Variants in PRR7 observed in about 807,000 individuals in gnomAD.
PRR7 encodes the protein proline-rich protein 7.
A neutral mutation model predicts 18.5 loss-of-function variants in PRR7; 8 were observed. The observed-to-expected ratio is 0.43, with a 90% confidence interval of 0.25 to 0.78. The LOEUF (loss-of-function observed/expected upper bound fraction) is 0.78, where lower values mean the gene tolerates loss of function less well. PRR7 is among the 30% of genes least tolerant of loss of function. The probability of loss-of-function intolerance (pLI) is 0.22; values close to 1 mark genes in which losing one functional copy is unlikely to be tolerated. For missense variants in PRR7, 396 were observed against 403.1 expected (o/e 0.98, Z 0.15); for synonymous variants, 221 against 187.7 (o/e 1.18, Z -1.45).
chr5:177,447,269 C>G (rs1755940537), intron 1 of PRR7, among the ~76,000 whole-genome samples: 1 of 152,126 alleles, frequency 6.6e-6, no homozygotes, highest in Non-Finnish European at 1.5e-5. Flanking sequence ...CTCCCTCCCC[C>G]CTCCCCCGAC....
At chr5:177,452,614 C>T (rs1018127023) in intron 1 of PRR7, among the ~76,000 whole-genome samples, 3 of 152,194 alleles carry the variant, frequency 2.0e-5, no homozygotes, top group African/African-American at 7.2e-5. Flanking sequence ...CCCACTCCAC[C>T]TGGGGGTGGA....
At position 177,455,299 on chromosome 5, in the gene PRR7, C is replaced by G. The variant is rs766314039; in HGVS notation, c.232C>G (p.Pro78Ala). 1.9e-5 allele frequency: 28 copies of G among 1,498,282 alleles called. No individual in the cohort carries two copies. The highest frequency in any genetic ancestry group is 2.5e-5 in the Non-Finnish European group (28 of 1,132,950). The allele number at this position is 1,498,282 out of a possible 1,614,324, so 92.8% of individuals were successfully genotyped here. The change falls in exon 3 of 4, where the codon CCA becomes GCA. Residue 78 changes from proline to alanine, a missense_variant. Transcript: ENST00000323249. This position sits in a 1 kb window ranked among gnomAD's most constrained non-coding sequence, Gnocchi z 6.9. ...CCCGGGCCTGGCGCCGCCGCAGCCACCACCACACCGTAGCCGCCTGGAGGC... is the reference window on the plus strand; with the variant it reads ...CCCGGGCCTGGCGCCGCCGCAGCCAGCACCACACCGTAGCCGCCTGGAGGC... ...SPPGLAPPQP[P>A]PHRSRLEAPA... is the part of the protein sequence containing the mutation.
chr5:177,453,614 T>C (rs975481458), intron 1 of PRR7, among the ~76,000 whole-genome samples: 3 of 152,080 alleles, frequency 2.0e-5, no homozygotes, highest in African/African-American at 7.2e-5. Context: ...CGAAGCAGTG[T>C]GTGTGTGCCT....
chr5:177,448,100 A>T (rs1277274100), intron 1 of PRR7, among the ~76,000 whole-genome samples: 2 of 152,166 alleles, frequency 1.3e-5, no homozygotes, highest in Non-Finnish European at 2.9e-5. Flanking sequence ...CCCAGGCCTG[A>T]CTCAGCAGAT....
intron 1 of PRR7, among the ~76,000 whole-genome samples, 174 bp downstream of exon 1, chr5:177,447,134 G>A (rs1755929713): frequency 6.6e-6 from 1 of 152,056 alleles, no homozygotes; most frequent in Admixed American, 6.5e-5. Flanking sequence ...GGGAGGGAGA[G>A]CGCCAGTGAG....
chr5:177,446,038 G>C (rs992993144), upstream of PRR7: 3 of 134,510 alleles, frequency 2.2e-5, no homozygotes, highest in Admixed American at 2.5e-4. The surrounding 1 kb of genome is among the most constrained non-coding windows in gnomAD (Gnocchi z 5.3). Context: ...TGGGAGTTCT[G>C]TCACTTCAAC....
Position 177,450,734 on chromosome 5 carries a change from C to T in PRR7, c.-324-3222C>T, listed in dbSNP as rs984505504. On this transcript the variant is annotated intron_variant, in intron 1 of 3. Transcript: ENST00000323249. The surrounding 1 kb of genome is among the most constrained non-coding windows in gnomAD (Gnocchi z 6.6). ...AGGAGCTCATTCGGGAGGCCAGCAC[C>T]TAGGTCAGTGGTTCTCAAAGTGTGC... Among the ~76,000 whole-genome samples the T allele has an allele frequency of 6.6e-6, 1 of 152,200 alleles. No individual in the cohort carries two copies. The highest frequency in any genetic ancestry group is 2.1e-4 in the South Asian group (1 of 4,834).
chr5:177,447,119 C>T (rs1755928566), intron 1 of PRR7, among the ~76,000 whole-genome samples, 159 bp downstream of exon 1: 1 of 152,056 alleles, frequency 6.6e-6, no homozygotes, highest in African/African-American at 2.4e-5. Flanking sequence ...CCAGTCCACA[C>T]CGGAGGGAGG....
Position 177,455,654 on chromosome 5 carries a change from CT to C in PRR7, c.428-69del. On this transcript the variant is annotated intron_variant, in intron 3 of 3. Coordinates refer to ENST00000323249, the MANE Select transcript of PRR7 (RefSeq NM_030567.5). The surrounding 1 kb of genome is among the most constrained non-coding windows in gnomAD (Gnocchi z 6.9). The stretch of plus-strand genomic sequence containing the variant: ...GCTAGGGCTGGGGCGCGGGCGGCCC[CT>C]GGCCGGGGCCTCTGCGAGAGGCTGG... 6.9e-7 allele frequency: 1 copy of C among 1,441,804 alleles called. No individual in the cohort carries two copies. Among genetic ancestry groups the C allele is most frequent in the Middle Eastern group, 2.0e-4 (1 of 4,982 alleles). 89.3% of individuals were successfully genotyped at this position (1,441,804 alleles called of 1,614,324 possible).
chr5:177,455,803 G>A lies in PRR7; in HGVS notation c.507G>A (p.Val169=), dbSNP rs1756403504. The change falls in exon 4 of 4, where the codon GTG becomes GTA. Residue 169 remains valine, a synonymous_variant. Coordinates refer to ENST00000323249, the MANE Select transcript of PRR7 (RefSeq NM_030567.5). The surrounding 1 kb of genome is among the most constrained non-coding windows in gnomAD (Gnocchi z 6.9). ...MAEPPPPYSE[V]LTDTRGLYRK... is the part of the protein sequence containing the mutation. ...AGCCGCCGCCGCCCTATAGCGAGGTGCTCACGGACACGCGCGGCCTCTACC... is the reference window on the plus strand; with the variant it reads ...AGCCGCCGCCGCCCTATAGCGAGGTACTCACGGACACGCGCGGCCTCTACC... 2 of 1,611,912 alleles carry A rather than the reference G, an allele frequency of 1.2e-6. No homozygotes were observed. The highest frequency in any genetic ancestry group is 1.7e-6 in the Non-Finnish European group (2 of 1,179,650).
chr5:177,455,906 C>T lies in PRR7; in HGVS notation c.610C>T (p.Leu204Phe). ...QEQPPPSYKP[L>F]FLDRGYTSAL... ...GCAGCCGCCTCCCAGCTACAAGCCG[C>T]TCTTCCTGGACCGGGGCTACACCTC... is the stretch of plus-strand genomic sequence containing the variant. Residue 204 changes from leucine (L) to phenylalanine (F), a missense_variant, in exon 4 of 4, where the codon CTC becomes TTC. Coordinates refer to ENST00000323249, the MANE Select transcript of PRR7 (RefSeq NM_030567.5). The surrounding 1 kb of genome is among the most constrained non-coding windows in gnomAD (Gnocchi z 6.9). 6.2e-7 allele frequency: 1 copy of T among 1,609,730 alleles called. No individual in the cohort carries two copies. Among genetic ancestry groups the T allele is most frequent in the Non-Finnish European group, 8.5e-7 (1 of 1,179,416 alleles).
chr5:177,453,280 C>T (rs1315043022), intron 1 of PRR7, among the ~76,000 whole-genome samples: 1 of 152,204 alleles, frequency 6.6e-6, no homozygotes, highest in Non-Finnish European at 1.5e-5. Flanking sequence ...CTAGTTAGTG[C>T]CAGTTTCCTC....
chr5:177,456,255 A>T lies in PRR7; in HGVS notation c.*134A>T. 8.8e-7 allele frequency: 1 copy of T among 1,131,480 alleles called. No homozygotes were observed. Among genetic ancestry groups the T allele is most frequent in the Non-Finnish European group, 1.2e-6 (1 of 843,754 alleles). The allele number at this position is 1,131,480 out of a possible 1,614,324, so 70.1% of individuals were successfully genotyped here. A position where few individuals can be genotyped will look rare whatever the true frequency, so the allele number is the denominator to read the frequency against. Reference sequence around the variant, plus strand: ...TTATCCCGTTTGTTACATTTTGAGGATAATAAAGGTGTGTGATCTGGTTTG... The same window carrying T: ...TTATCCCGTTTGTTACATTTTGAGGTTAATAAAGGTGTGTGATCTGGTTTG... On this transcript the variant is annotated 3_prime_UTR_variant, in exon 4 of 4. Transcript: ENST00000323249.
chr5:177,450,925 G>A lies in PRR7; in HGVS notation c.-324-3031G>A, dbSNP rs1232015633. 1.3e-5 allele frequency among the ~76,000 whole-genome samples: 2 copies of A among 152,208 alleles called. No individual in the cohort carries two copies. The highest frequency in any genetic ancestry group is 2.9e-5 in the Non-Finnish European group (2 of 68,034). On this transcript the variant is annotated intron_variant, in intron 1 of 3. Coordinates refer to ENST00000323249, the MANE Select transcript of PRR7 (RefSeq NM_030567.5). The surrounding 1 kb of genome is among the most constrained non-coding windows in gnomAD (Gnocchi z 6.6). ...TTAAATTTGAGAGGCCCAGATCTAAGCCATGTTAAATGCTAGATTGGCTCC... is the reference window on the plus strand; with the variant it reads ...TTAAATTTGAGAGGCCCAGATCTAAACCATGTTAAATGCTAGATTGGCTCC...
At chr5:177,451,832 C>T (rs952661306) in intron 1 of PRR7, among the ~76,000 whole-genome samples, 3 of 151,934 alleles carry the variant, frequency 2.0e-5, no homozygotes, top group Non-Finnish European at 4.4e-5. Context: ...GAGTGTGGAG[C>T]CCACCCTCAG....
At position 177,449,728 on chromosome 5, in the gene PRR7, G is replaced by A. The variant is rs986284436; in HGVS notation, c.-325+2768G>A. ...AGGGCTCTCCACCTACAAGCCCACC[G>A]AGGCCTCAGTCTCTGTGGTCTTATT... is the stretch of plus-strand genomic sequence containing the variant. On this transcript the variant is annotated intron_variant, in intron 1 of 3. Transcript: ENST00000323249. The surrounding 1 kb of genome is among the most constrained non-coding windows in gnomAD (Gnocchi z 4.2). Among the ~76,000 whole-genome samples the A allele has an allele frequency of 1.3e-5, 2 of 152,108 alleles. No homozygotes were observed. Among genetic ancestry groups the A allele is most frequent in the African/African-American group, 4.8e-5 (2 of 41,406 alleles).
In PRR7 at chr5:177,455,635, G is replaced by C; in HGVS notation, c.428-89G>C. 7.0e-7 allele frequency: 1 copy of C among 1,422,810 alleles called. No individual in the cohort carries two copies. The highest frequency in any genetic ancestry group is 9.2e-7 in the Non-Finnish European group (1 of 1,085,578). The allele number at this position is 1,422,810 out of a possible 1,614,324, so 88.1% of individuals were successfully genotyped here. A position where few individuals can be genotyped will look rare whatever the true frequency, so the allele number is the denominator to read the frequency against. ...GCGGCGGGCTCGGGTTCGGGCTAGG[G>C]CTGGGGCGCGGGCGGCCCCTGGCCG... On this transcript the variant is annotated intron_variant, in intron 3 of 3. Transcript: ENST00000323249. This position sits in a 1 kb window ranked among gnomAD's most constrained non-coding sequence, Gnocchi z 6.9.
rs546932509 is a variant in PRR7 at position 177,454,945 on chromosome 5, C to T, written c.-123C>T. On this transcript the variant is annotated 5_prime_UTR_variant, in exon 3 of 4. Coordinates refer to ENST00000323249, the MANE Select transcript of PRR7 (RefSeq NM_030567.5). This position sits in a 1 kb window ranked among gnomAD's most constrained non-coding sequence, Gnocchi z 4.7. ...ACGACTTGAGACCTGCCACGGGCAG[C>T]CCCCGGCCGCGGGTCCCCGAGTGAC... The T allele has an allele frequency of 7.1e-6, 9 of 1,269,452 alleles. No individual in the cohort carries two copies. The Admixed American group carries it at 1.4e-4, about 20-fold the overall frequency. The allele number at this position is 1,269,452 out of a possible 1,614,324, so 78.6% of individuals were successfully genotyped here. A position where few individuals can be genotyped will look rare whatever the true frequency, so the allele number is the denominator to read the frequency against.
chr5:177,455,622 G>A lies in PRR7; in HGVS notation c.428-102G>A. ...GAGAACACGGGCGGCGGCGGGCTCG[G>A]GTTCGGGCTAGGGCTGGGGCGCGGG... is the stretch of plus-strand genomic sequence containing the variant. On this transcript the variant is annotated intron_variant, in intron 3 of 3. Transcript: ENST00000323249. The surrounding 1 kb of genome is among the most constrained non-coding windows in gnomAD (Gnocchi z 6.9). 4.3e-6 allele frequency: 6 copies of A among 1,403,700 alleles called. No individual in the cohort carries two copies. The highest frequency in any genetic ancestry group is 4.6e-6 in the Non-Finnish European group (5 of 1,079,674). The allele number at this position is 1,403,700 out of a possible 1,614,324, so 87.0% of individuals were successfully genotyped here. A position where few individuals can be genotyped will look rare whatever the true frequency, so the allele number is the denominator to read the frequency against.
Sources: allele counts gnomAD v4.1 joint callset (sites outside exome capture counted in the v4.1 genomes callset), GRCh38; gene constraint gnomAD v4.1.1; non-coding constraint Gnocchi (gnomAD v3.1); transcripts MANE v1.5; gene names NCBI Gene and HGNC (gene_info 2026-07-23, HGNC 2026-07-21).